Variants in KMT2E observed in about 807,000 individuals in gnomAD.
KMT2E encodes the protein lysine methyltransferase 2E (inactive).
In KMT2E, 30 loss-of-function variants were observed where a neutral mutation model predicts 184.6. The ratio of observed to expected loss-of-function variants is 0.16; its 90% CI spans 0.12 to 0.22. The LOEUF (loss-of-function observed/expected upper bound fraction) is 0.22. Ranked by LOEUF, KMT2E falls within the 10% of genes least tolerant of loss-of-function variation. The probability of loss-of-function intolerance (pLI) is 1.00; values close to 1 mark genes in which losing one functional copy is unlikely to be tolerated. For missense variants in KMT2E, 2,023 were observed against 2,237.4 expected (o/e 0.90, Z 1.93); for synonymous variants, 815 against 776.5 (o/e 1.05, Z -0.82).
At chr7:105,064,164 GTTTTTTTTTTTTT>G (rs66946883) in intron 5 of KMT2E, 73 of 76,140 alleles carry the variant, frequency 9.6e-4, no homozygotes, top group South Asian at 2.0e-3. Flanking sequence ...TTTTTTCTTG[GTTTTTTTTTTTTT>G]TTTTTTTTTT....
chr7:105,113,091 C>A lies in KMT2E; in HGVS notation c.5335C>A (p.Pro1779Thr). Residue 1779 changes from proline (P) to threonine (T), a missense_variant, in exon 27 of 27, where the codon CCT (proline) becomes ACT (threonine). Pro to Thr is a conservative substitution (Grantham distance 38). Coordinates refer to ENST00000311117, the MANE Select transcript of KMT2E (RefSeq NM_182931.3). ...TTTGGGACCGGGACCCCAGCACCAG[C>A]CTTCTGGAACAGGGCCACATTGTCC... The part of the protein sequence containing the change: ...TTLGPGPQHQ[P>T]SGTGPHCPLP... 6.2e-7 allele frequency: 1 copy of A among 1,614,186 alleles called. No homozygotes were observed. Among genetic ancestry groups the A allele is most frequent in the Non-Finnish European group, 8.5e-7 (1 of 1,180,042 alleles).
At chr7:105,016,597 G>C (rs1017628051) in intron 1 of KMT2E, among the ~76,000 whole-genome samples, 7 of 152,284 alleles carry the variant, frequency 4.6e-5, no homozygotes, top group African/African-American at 1.7e-4. Flanking sequence ...TTTTTAAAGT[G>C]TGAAAGATTA....
chr7:105,095,408 T>C (rs188935117), intron 15 of KMT2E, among the ~76,000 whole-genome samples: 1 of 152,266 alleles, frequency 6.6e-6, no homozygotes, highest in East Asian at 1.9e-4. Flanking sequence ...GCTGTAAATA[T>C]ATTTGGTTGG....
intron 13 of KMT2E, among the ~76,000 whole-genome samples, chr7:105,084,649 T>C (rs779048182): frequency 2.0e-5 from 3 of 151,336 alleles, no homozygotes; most frequent in Non-Finnish European, 4.4e-5. Context: ...AAAATTACTG[T>C]ATTGCACTGA....
intron 1 of KMT2E, among the ~76,000 whole-genome samples, chr7:105,035,094 G>A (rs866134284): frequency 3.4e-5 from 5 of 148,756 alleles, no homozygotes; most frequent in South Asian, 4.3e-4. Flanking sequence ...GCACGATCTC[G>A]GCTCACTGCA....
chr7:105,059,089 A>G (rs1454464784), intron 3 of KMT2E, among the ~76,000 whole-genome samples: 1 of 152,224 alleles, frequency 6.6e-6, no homozygotes, highest in Non-Finnish European at 1.5e-5. Flanking sequence ...ATAATTATAT[A>G]AACACTTCTG....
chr7:105,091,918 A>G (rs2129568956), intron 15 of KMT2E, among the ~76,000 whole-genome samples: 1 of 152,362 alleles, frequency 6.6e-6, no homozygotes, highest in African/African-American at 2.4e-5. Flanking sequence ...AAGGTAATTT[A>G]GCATTTGATA....
At chr7:105,064,745 AATTT>A (rs1796963099) in intron 5 of KMT2E, among the ~76,000 whole-genome samples, 2 of 146,150 alleles carry the variant, frequency 1.4e-5, no homozygotes, top group African/African-American at 2.6e-5. Flanking sequence ...GACTTCAGTA[AATTT>A]ATTTAGGAGG....
intron 1 of KMT2E, among the ~76,000 whole-genome samples, chr7:105,030,255 CA>C (rs1222157983): frequency 1.3e-5 from 2 of 152,152 alleles, no homozygotes; most frequent in African/African-American, 4.8e-5. Flanking sequence ...GGTGAGGAAA[CA>C]GCCCTTAGGA....
rs113145258 is a variant in KMT2E, at chr7:105,085,688, A to ATTT, written c.1358+3901_1358+3903dup. On this transcript the variant is annotated intron_variant, in intron 13 of 26. Coordinates refer to ENST00000311117, the MANE Select transcript of KMT2E (RefSeq NM_182931.3). ...TTCACTAACTGCTATCTTTAATTTG[A>ATTT]TTTTTTTTTTTTGGAGACGGAGTCT... Among the ~76,000 whole-genome samples the ATTT allele has an allele frequency of 2.6e-3, 389 of 147,624 alleles. 5 individuals are homozygous for ATTT. Among genetic ancestry groups the ATTT allele is most frequent in the African/African-American group, 7.7e-3 (310 of 40,076 alleles).
chr7:105,045,408 T>C (rs1017743061), intron 3 of KMT2E, among the ~76,000 whole-genome samples: 3 of 152,222 alleles, frequency 2.0e-5, no homozygotes, highest in South Asian at 2.1e-4. Context: ...TTTCAAACTT[T>C]ATCATCCCAA....
chr7:105,073,413 A>G (rs1371265145), intron 6 of KMT2E, among the ~76,000 whole-genome samples: 2 of 151,998 alleles, frequency 1.3e-5, no homozygotes, highest in Non-Finnish European at 2.9e-5. Context: ...AAAAAAAAAA[A>G]AAAAAATCAG....
Position 105,014,348 on chromosome 7 carries a change from C to T in KMT2E, c.-376C>T, listed in dbSNP as rs188881680. ...CGTTCCTGTTGACTGCCTGGCTGCC[C>T]CCTCCCCTACTCCTCGGTTCCTGGT... On this transcript the variant is annotated 5_prime_UTR_variant, in exon 1 of 27. Transcript: ENST00000311117. 2 of 155,164 alleles carry T rather than the reference C, an allele frequency of 1.3e-5. No individual in the cohort carries two copies. Among genetic ancestry groups the T allele is most frequent in the African/African-American group, 4.8e-5 (2 of 41,566 alleles). The allele number at this position is 155,164 out of a possible 1,614,324, so 9.6% of individuals were successfully genotyped here. A position where few individuals can be genotyped will look rare whatever the true frequency, so the allele number is the denominator to read the frequency against.
intron 3 of KMT2E, among the ~76,000 whole-genome samples, chr7:105,043,184 T>G: frequency 6.6e-6 from 1 of 152,154 alleles, no homozygotes; most frequent in Non-Finnish European, 1.5e-5. Context: ...ATTTAATGAT[T>G]GGCATTTTTC....
intron 15 of KMT2E, among the ~76,000 whole-genome samples, chr7:105,095,690 G>A (rs967320275): frequency 6.6e-6 from 1 of 152,140 alleles, no homozygotes; most frequent in Non-Finnish European, 1.5e-5. Flanking sequence ...TTGTGGCTAA[G>A]TTATGTGGAA....
At position 105,107,484 on chromosome 7, in the gene KMT2E, C is replaced by T; in HGVS notation, c.3027C>T (p.Val1009=). 6.2e-7 allele frequency: 1 copy of T among 1,614,082 alleles called. No individual in the cohort carries two copies. Among genetic ancestry groups the T allele is most frequent in the Non-Finnish European group, 8.5e-7 (1 of 1,180,024 alleles). The stretch of plus-strand genomic sequence containing the variant: ...CGAGCCCTAGGAGTAGGACTGAAGT[C>T]AACAGGCAGTGTCCTGGAGAAAAGG... ...GYTSPRSRTE[V]NRQCPGEKEP... The change falls in exon 22 of 27, where the codon GTC becomes GTT. Residue 1009 remains valine (V), a synonymous_variant. Coordinates refer to ENST00000311117, the MANE Select transcript of KMT2E (RefSeq NM_182931.3).
Position 105,112,669 on chromosome 7 carries a change from C to T in KMT2E, c.4913C>T (p.Pro1638Leu), listed in dbSNP as rs761307628. Residue 1638 changes from proline (P) to leucine (L), a missense_variant, in exon 27 of 27, where the codon CCG becomes CTG. Physicochemically the swap from Pro to Leu is moderately conservative, Grantham distance 98. Around this residue, in one of 8 missense-constraint regions of KMT2E, gnomAD observed 1,108 missense variants for 1,050.9 expected, o/e 1.05. Coordinates refer to ENST00000311117, the MANE Select transcript of KMT2E (RefSeq NM_182931.3). Reference protein sequence around the residue: ...PPPPPPPAPGPHLVQQPNSHQ... With the variant: ...PPPPPPPAPGLHLVQQPNSHQ... ...CCTCCACCACCACCTGCTCCAGGACCGCACCTTGTACAACAGCCGAATTCC... is the reference window on the plus strand; with the variant it reads ...CCTCCACCACCACCTGCTCCAGGACTGCACCTTGTACAACAGCCGAATTCC... The T allele has an allele frequency of 1.6e-5, 26 of 1,613,814 alleles. No individual in the cohort carries two copies. The highest frequency in any genetic ancestry group is 1.6e-4 in the Middle Eastern group (1 of 6,082).
chr7:105,114,493 C>T lies in KMT2E; in HGVS notation c.*1160C>T, dbSNP rs900070474. ...AAATGAAAATGGCCTCTTAAGTGAA[C>T]GTTTTTATTGCTAAAATATAAAATG... On this transcript the variant is annotated 3_prime_UTR_variant, in exon 27 of 27. Transcript: ENST00000311117. The T allele has an allele frequency of 6.6e-6, 1 of 152,068 alleles. No individual in the cohort carries two copies. Among genetic ancestry groups the T allele is most frequent in the Non-Finnish European group, 1.5e-5 (1 of 68,006 alleles). 9.4% of individuals were successfully genotyped at this position (152,068 alleles called of 1,614,324 possible). A position where few individuals can be genotyped will look rare whatever the true frequency, so the allele number is the denominator to read the frequency against.
At chr7:105,101,771 A>G (rs1798665546) in intron 16 of KMT2E, 115 bp from the exon 17 acceptor site, 4 of 1,011,946 alleles carry the variant, frequency 4.0e-6, no homozygotes, top group Admixed American at 6.5e-5. Flanking sequence ...TCTTTATTAT[A>G]TATCAGAATT....
Sources: gnomAD v4.1 joint callset for allele counts (sites outside exome capture counted in the v4.1 genomes callset) on GRCh38, gnomAD v4.1.1 for gene constraint, gnomAD v4.1.1 regional missense constraint, MANE v1.5 for transcripts, NCBI Gene and HGNC (gene_info 2026-07-23, HGNC 2026-07-21) for gene names.